Variants in ENTR1 observed in about 807,000 individuals in gnomAD.
ENTR1 encodes the protein endosome associated trafficking regulator 1.
A neutral mutation model predicts 47.9 loss-of-function variants in ENTR1; 47 were observed. The ratio of observed to expected loss-of-function variants is 0.98; its 90% confidence interval spans 0.78 to 1.25. The LOEUF is 1.25. Among genes scored for constraint, ENTR1 ranks in the 50% most tolerant of loss-of-function variants. The probability of loss-of-function intolerance (pLI) is 0.00; values close to 1 mark genes in which losing one functional copy is unlikely to be tolerated. For synonymous variants in ENTR1, 290 were observed against 245.8 expected, an observed-to-expected ratio of 1.18 and a Z score of -1.68; for missense variants, 668 against 570.5, an observed-to-expected ratio of 1.17 and a Z score of -1.74.
rs780645290 is a variant in ENTR1 at position 136,407,440 on chromosome 9, T to C, written c.524A>G (p.Asp175Gly). 1.2e-6 allele frequency: 2 copies of C among 1,610,254 alleles called. No individual in the cohort carries two copies. The highest frequency in any genetic ancestry group is 2.2e-5 in the South Asian group (2 of 90,690). ...TCCGGTGTCCTCATCCTCCTCCTCA[T>C]CCAGGAGGTCACCAGCCCCTGTCGG... ...EDPTGAGDLL[D>G]EEEDEDTGWS... The change falls in exon 5 of 10, where the codon GAT becomes GGT. Residue 175 changes from aspartate (D) to glycine (G), a missense_variant. Coordinates refer to ENST00000357365, the MANE Select transcript of ENTR1 (RefSeq NM_001039707.2).
chr9:136,406,089 T>C (rs1588787779), intron 5 of ENTR1, 111 bp from the exon 6 acceptor site: 2 of 665,994 alleles, frequency 3.0e-6, no homozygotes, highest in Admixed American at 6.7e-5. Context: ...GCTGGGTCAG[T>C]GCAGCATCCA....
At chr9:136,408,923 T>G (rs565811497) in intron 3 of ENTR1, 76 bp downstream of exon 3, 5 of 796,962 alleles carry the variant, frequency 6.3e-6, no homozygotes, top group South Asian at 1.3e-5. Flanking sequence ...GCCAGTCACA[T>G]TGACAGTCCC....
rs759439624 is a variant in ENTR1, at chr9:136,407,404, G to A, written c.560C>T (p.Ala187Val). The A allele has an allele frequency of 6.2e-7, 1 of 1,608,428 alleles. No homozygotes were observed. Among genetic ancestry groups the A allele is most frequent in the Non-Finnish European group, 8.5e-7 (1 of 1,178,854 alleles). ...CTGCTCGATGGCGGACGGCAGGTAGGCCCCACTCCATCCGGTGTCCTCATC... is the reference window on the plus strand; with the variant it reads ...CTGCTCGATGGCGGACGGCAGGTAGACCCCACTCCATCCGGTGTCCTCATC... ...EEDEDTGWSGAYLPSAIEQTH... is the reference protein window; with the variant it reads ...EEDEDTGWSGVYLPSAIEQTH... The change falls in exon 5 of 10, where the codon GCC becomes GTC. Residue 187 changes from alanine (A) to valine (V), a missense_variant. Ala to Val is a moderately conservative substitution (Grantham distance 64). Coordinates refer to ENST00000357365, the MANE Select transcript of ENTR1 (RefSeq NM_001039707.2).
chr9:136,407,330 G>A lies in ENTR1; in HGVS notation c.634C>T (p.Leu212Phe). ...TCCGACGGGGTGGAGAAAAAGGAAA[G>A]GTATGTGCTGCAGGGCGACGTGCCG... is the stretch of plus-strand genomic sequence containing the variant. Reference protein sequence around the residue: ...PAGTSPCSTYLSFFSTPSELA... With the variant: ...PAGTSPCSTYFSFFSTPSELA... The change falls in exon 5 of 10, where the codon CTT becomes TTT. Residue 212 changes from leucine to phenylalanine, a missense_variant. By Grantham distance (22) the Leu-to-Phe change is conservative. Coordinates refer to ENST00000357365, the MANE Select transcript of ENTR1 (RefSeq NM_001039707.2). The A allele has an allele frequency of 6.2e-7, 1 of 1,610,222 alleles. No individual in the cohort carries two copies. The highest frequency in any genetic ancestry group is 8.5e-7 in the Non-Finnish European group (1 of 1,178,982).
intron 7 of ENTR1, 129 bp from the exon 8 acceptor site, chr9:136,404,822 C>A: frequency 1.2e-6 from 1 of 869,544 alleles, no homozygotes. Flanking sequence ...CCCCTGTGCC[C>A]CTCCCAGTCC....
Position 136,407,523 on chromosome 9 carries a change from G to A in ENTR1, c.441C>T (p.Ser147=). ...CATACCCGCCGGTTTGGGAGGGTGGGGAGTTGTGGTCAAGTCCCAGGGAAT... is the reference window on the plus strand; with the variant it reads ...CATACCCGCCGGTTTGGGAGGGTGGAGAGTTGTGGTCAAGTCCCAGGGAAT... ...SRHSLGLDHN[S]PPSQTGGYGL... Residue 147 remains serine (S), a synonymous_variant, in exon 5 of 10, where the codon TCC becomes TCT. Transcript: ENST00000357365. 2 of 1,610,756 alleles carry A rather than the reference G, an allele frequency of 1.2e-6. No individual in the cohort carries two copies. Among genetic ancestry groups the A allele is most frequent in the East Asian group, 2.2e-5 (1 of 44,840 alleles).
In ENTR1 at chr9:136,405,197, C is replaced by T. The variant is rs760864330; in HGVS notation, c.899G>A (p.Arg300Lys). 7 of 1,613,332 alleles carry T rather than the reference C, an allele frequency of 4.3e-6. No homozygotes were observed. In the East Asian group the frequency reaches 1.1e-4, roughly 26 times the overall value. ...TGCTTCTAACTTCCGCTCAAGCGTCCTCACCCTTGTTAAAGAAAAACCCGA... is the reference window on the plus strand; with the variant it reads ...TGCTTCTAACTTCCGCTCAAGCGTCTTCACCCTTGTTAAAGAAAAACCCGA... ...SFSEAQTEMV[R>K]TLERKLEAKM... is the part of the protein sequence containing the mutation. The change falls in exon 7 of 10, where the codon AGG (arginine) becomes AAG (lysine). Residue 300 changes from arginine (R) to lysine (K), a missense_variant. Arg to Lys is a conservative substitution (Grantham distance 26). Coordinates refer to ENST00000357365, the MANE Select transcript of ENTR1 (RefSeq NM_001039707.2).
chr9:136,409,495 TA>T (rs560465636), intron 2 of ENTR1, among the ~76,000 whole-genome samples: 138 of 151,962 alleles, frequency 9.1e-4, no homozygotes, highest in African/African-American at 3.2e-3. Flanking sequence ...GAGAAAACTT[TA>T]AAAAAAACAC....
chr9:136,404,451 G>A (rs1360067219), intron 8 of ENTR1, among the ~76,000 whole-genome samples, 180 bp downstream of exon 8: 2 of 152,212 alleles, frequency 1.3e-5, no homozygotes, highest in Non-Finnish European at 2.9e-5. Context: ...TCCCAACAGA[G>A]CTCCAGGGCC....
chr9:136,407,563 TAA>T lies in ENTR1; in HGVS notation c.403-4_403-3del, dbSNP rs36076555. ...TCCCAGGGAATGCCTCGAGGCTTCC[TAA>T]AAAAAAAAAAAAAAAAAAAACAATG... On this transcript the variant is annotated splice_polypyrimidine_tract_variant and splice_region_variant and intron_variant, in intron 4 of 9. Transcript: ENST00000357365. 314,293 of 1,276,744 alleles carry T rather than the reference TAA, an allele frequency of 0.25. 5,305 individuals carry two copies. The highest frequency in any genetic ancestry group is 0.34 in the African/African-American group (18,235 of 53,686). 79.1% of individuals were successfully genotyped at this position (1,276,744 alleles called of 1,614,324 possible).
intron 3 of ENTR1, among the ~76,000 whole-genome samples, chr9:136,408,350 G>A (rs945311453): frequency 8.6e-5 from 13 of 152,010 alleles, no homozygotes; most frequent in Non-Finnish European, 1.3e-4. Flanking sequence ...AGGTCAAGGC[G>A]GGCGGATCAC....
At chr9:136,403,945 G>C in intron 9 of ENTR1, 110 bp downstream of exon 9, 3 of 1,317,590 alleles carry the variant, frequency 2.3e-6, no homozygotes, top group Non-Finnish European at 3.1e-6. Flanking sequence ...CAGCTCCCTG[G>C]TCCTCCAGCC....
intron 4 of ENTR1, 79 bp from the exon 5 acceptor site, chr9:136,407,640 C>T (rs1036844426): frequency 2.0e-5 from 29 of 1,483,724 alleles, no homozygotes; most frequent in Admixed American, 7.7e-5. Flanking sequence ...TGTTCTGCCT[C>T]GCAACAAGAA....
chr9:136,407,528 T>C lies in ENTR1; in HGVS notation c.436A>G (p.Asn146Asp). ...CCGCCGGTTTGGGAGGGTGGGGAGTTGTGGTCAAGTCCCAGGGAATGCCTC... is the reference window on the plus strand; with the variant it reads ...CCGCCGGTTTGGGAGGGTGGGGAGTCGTGGTCAAGTCCCAGGGAATGCCTC... ...ASRHSLGLDH[N>D]SPPSQTGGYG... The change falls in exon 5 of 10, where the codon AAC becomes GAC. Residue 146 changes from asparagine to aspartate, a missense_variant. Physicochemically the swap from Asn to Asp is conservative, Grantham distance 23. Coordinates refer to ENST00000357365, the MANE Select transcript of ENTR1 (RefSeq NM_001039707.2). The C allele has an allele frequency of 6.2e-7, 1 of 1,602,336 alleles. No homozygotes were observed. The highest frequency in any genetic ancestry group is 1.1e-5 in the South Asian group (1 of 90,638).
intron 3 of ENTR1, 129 bp from the exon 4 acceptor site, chr9:136,408,067 T>C (rs542148213): frequency 1.1e-5 from 7 of 645,826 alleles, no homozygotes; most frequent in South Asian, 7.1e-5. Context: ...CATTCTACCA[T>C]GACTCAGGCA....
In ENTR1 at chr9:136,410,499, C is replaced by T. The variant is rs1835053694; in HGVS notation, c.-102G>A. 2 of 959,712 alleles carry T rather than the reference C, an allele frequency of 2.1e-6. No homozygotes were observed. Among genetic ancestry groups the T allele is most frequent in the Non-Finnish European group, 2.5e-6 (2 of 788,694 alleles). 59.4% of individuals were successfully genotyped at this position (959,712 alleles called of 1,614,324 possible). ...GGCCCGCGTCGCCCGCCCCCGTCGC[C>T]CGCCCCCGTCGCCCGCCGCTCGGCC... On this transcript the variant is annotated 5_prime_UTR_variant, in exon 1 of 10. Transcript: ENST00000357365.
rs1295970567 is a variant in ENTR1 at position 136,402,870 on chromosome 9, G to A, written c.1226C>T (p.Ala409Val). The A allele has an allele frequency of 6.2e-7, 1 of 1,612,116 alleles. No homozygotes were observed. Among genetic ancestry groups the A allele is most frequent in the South Asian group, 1.1e-5 (1 of 91,008 alleles). ...TTCGGCAACAAGATTCAGTGTCTCAGCTCCGGAAACCAGTTGCCTGAAAAC... is the reference window on the plus strand; with the variant it reads ...TTCGGCAACAAGATTCAGTGTCTCAACTCCGGAAACCAGTTGCCTGAAAAC... ...QASIKQLVSG[A>V]ETLNLVAEIL... Residue 409 changes from alanine to valine, a missense_variant, in exon 10 of 10, where the codon GCT becomes GTT. Coordinates refer to ENST00000357365, the MANE Select transcript of ENTR1 (RefSeq NM_001039707.2).
chr9:136,407,885 G>A lies in ENTR1; in HGVS notation c.343C>T (p.Leu115=), dbSNP rs1216825477. 1 of 1,613,644 alleles carries A rather than the reference G, an allele frequency of 6.2e-7. No homozygotes were observed. Among genetic ancestry groups the A allele is most frequent in the Non-Finnish European group, 8.5e-7 (1 of 1,179,588 alleles). Residue 115 remains leucine, a synonymous_variant, in exon 4 of 10, where the codon CTG becomes TTG. Coordinates refer to ENST00000357365, the MANE Select transcript of ENTR1 (RefSeq NM_001039707.2). ...EANPFSFREF[L]KTKNLGLSKE... ...GAGAGGCCGAGGTTCTTGGTCTTCA[G>A]AAACTCTCTAAAAGAGAATGGATTT...
At chr9:136,406,053 T>C in intron 5 of ENTR1, 75 bp from the exon 6 acceptor site, 2 of 1,017,914 alleles carry the variant, frequency 2.0e-6, no homozygotes, top group Middle Eastern at 2.1e-4. Context: ...GCGGTGTGGC[T>C]CCAGAGCCTC....
Sources: gnomAD v4.1 joint callset for allele counts (sites outside exome capture counted in the v4.1 genomes callset) on GRCh38, gnomAD v4.1.1 for gene constraint, MANE v1.5 for transcripts, NCBI Gene and HGNC (gene_info 2026-07-23, HGNC 2026-07-21) for gene names.